The following GRIP1 variants were observed in gnomAD, a reference collection of about 807,000 sequenced individuals.
The protein encoded by GRIP1 is glutamate receptor-interacting protein 1.
Under a neutral mutation model 129.9 loss-of-function variants are expected in GRIP1, and 45 were observed. The ratio of observed to expected loss-of-function variants is 0.35; its 90% CI spans 0.27 to 0.44. GRIP1 has a LOEUF of 0.44. GRIP1 is among the 20% of genes least tolerant of loss of function. The pLI is 1.00. For missense variants in GRIP1, 1,196 were observed against 1,396.8 expected, an observed-to-expected ratio of 0.86 and a Z score of 2.29; for synonymous variants, 530 against 520.8, an observed-to-expected ratio of 1.02 and a Z score of -0.24.
At chr12:66,444,764 G>T in intron 12 of GRIP1, 35 bp from the exon 13 acceptor site, 1 of 1,609,284 alleles carries the variant, frequency 6.2e-7, no homozygotes, top group Non-Finnish European at 8.5e-7. Context: ...GTTGTAGATG[G>T]AGTAAATAAT....
intron 1 of GRIP1, among the ~76,000 whole-genome samples, chr12:66,963,942 T>C (rs2041959283): frequency 1.3e-5 from 2 of 152,144 alleles, no homozygotes; most frequent in South Asian, 4.1e-4. Flanking sequence ...TTTCTGTCAG[T>C]GCCTACACCA....
intron 1 of GRIP1, among the ~76,000 whole-genome samples, chr12:66,745,314 T>C (rs923089393): frequency 6.6e-6 from 1 of 152,162 alleles, no homozygotes; most frequent in African/African-American, 2.4e-5. Flanking sequence ...CTCAAGACTA[T>C]AGATGAATCA....
At chr12:66,650,218 A>G (rs1283256898) in intron 1 of GRIP1, among the ~76,000 whole-genome samples, 1 of 152,092 alleles carries the variant, frequency 6.6e-6, no homozygotes, top group Non-Finnish European at 1.5e-5. Context: ...CCACTGATAG[A>G]AGAATACTCT....
chr12:66,995,042 G>A (rs73133679), intron 1 of GRIP1, among the ~76,000 whole-genome samples: 17,771 of 151,818 alleles, frequency 0.12, 1,249 homozygotes, highest in African/African-American at 0.19. Context: ...AAACCCTTAC[G>A]TTTATGATAA....
At chr12:66,608,428 G>A (rs959876263) in intron 1 of GRIP1, among the ~76,000 whole-genome samples, 1 of 152,150 alleles carries the variant, frequency 6.6e-6, no homozygotes, top group Non-Finnish European at 1.5e-5. Flanking sequence ...CACCTCCCAG[G>A]TTCAAGAGAT....
At chr12:66,698,754 A>G (rs975267247) in intron 1 of GRIP1, among the ~76,000 whole-genome samples, 3 of 152,152 alleles carry the variant, frequency 2.0e-5, no homozygotes, top group African/African-American at 4.8e-5. Flanking sequence ...GCTGCTCTGG[A>G]AGCCCAGTAG....
chr12:66,515,400 ACT>A (rs1234693180), intron 7 of GRIP1, among the ~76,000 whole-genome samples: 2 of 152,082 alleles, frequency 1.3e-5, no homozygotes, highest in Non-Finnish European at 1.5e-5. Flanking sequence ...ACAGAATGAG[ACT>A]CTATTATGGA....
At chr12:67,020,164 A>C (rs1198034976) in intron 1 of GRIP1, among the ~76,000 whole-genome samples, 1 of 152,288 alleles carries the variant, frequency 6.6e-6, no homozygotes, top group East Asian at 1.9e-4. Flanking sequence ...TACTACTACA[A>C]AGCAGAACAT....
intron 9 of GRIP1, among the ~76,000 whole-genome samples, chr12:66,458,488 G>T (rs2059034351): frequency 6.6e-6 from 1 of 152,132 alleles, no homozygotes; most frequent in Non-Finnish European, 1.5e-5. Context: ...AGGTTCAAGT[G>T]ATTCTCTCAC....
chr12:66,759,382 C>T (rs890130027), intron 1 of GRIP1, among the ~76,000 whole-genome samples: 2 of 152,176 alleles, frequency 1.3e-5, no homozygotes, highest in African/African-American at 4.8e-5. Flanking sequence ...ACCACTTTTT[C>T]CTCGTGGGCC....
intron 1 of GRIP1, among the ~76,000 whole-genome samples, chr12:66,838,081 G>C (rs1224148863): frequency 1.3e-5 from 2 of 151,770 alleles, no homozygotes; most frequent in African/African-American, 2.4e-5. Flanking sequence ...AGCTACTCCA[G>C]AGGCTGAGGC....
chr12:66,698,479 G>A (rs753864514), intron 1 of GRIP1, among the ~76,000 whole-genome samples: 3 of 152,138 alleles, frequency 2.0e-5, no homozygotes, highest in Non-Finnish European at 4.4e-5. Flanking sequence ...TTCTACACAC[G>A]CAAGGCAGAA....
intron 5 of GRIP1, among the ~76,000 whole-genome samples, chr12:66,526,206 A>T (rs2061232718): frequency 6.6e-6 from 1 of 150,840 alleles, no homozygotes; most frequent in African/African-American, 2.4e-5. Context: ...ACCAAAAAAG[A>T]GCCTGCATTG....
intron 23 of GRIP1, among the ~76,000 whole-genome samples, chr12:66,369,079 A>G (rs972015917): frequency 1.3e-5 from 2 of 152,174 alleles, no homozygotes; most frequent in African/African-American, 4.8e-5. Flanking sequence ...TATTTTTTAG[A>G]GCCTTATTTT....
At chr12:67,029,977 G>A (rs772643515) in intron 1 of GRIP1, among the ~76,000 whole-genome samples, 74 of 151,080 alleles carry the variant, frequency 4.9e-4, no homozygotes, top group Non-Finnish European at 8.7e-4. Context: ...AAGGCGGGTG[G>A]ATCACGAGGT....
intron 1 of GRIP1, among the ~76,000 whole-genome samples, chr12:66,863,473 T>C (rs890409051): frequency 6.6e-6 from 1 of 152,098 alleles, no homozygotes; most frequent in Non-Finnish European, 1.5e-5. Context: ...TCAGAGAAAG[T>C]ATTTCTGATA....
intron 1 of GRIP1, among the ~76,000 whole-genome samples, chr12:66,906,395 G>A (rs2040933255): frequency 6.6e-6 from 1 of 151,906 alleles, no homozygotes; most frequent in Non-Finnish European, 1.5e-5. Context: ...GTGCACCACC[G>A]AACTCAGCCT....
intron 1 of GRIP1, among the ~76,000 whole-genome samples, chr12:66,825,233 A>C (rs1474649739): frequency 6.6e-6 from 1 of 152,178 alleles, no homozygotes; most frequent in Admixed American, 6.5e-5. Context: ...TAAAGTAGTT[A>C]GTTTATAAGC....
chr12:66,923,064 T>C (rs2041239218), intron 1 of GRIP1, among the ~76,000 whole-genome samples: 1 of 152,204 alleles, frequency 6.6e-6, no homozygotes, highest in South Asian at 2.1e-4. Context: ...TACCTCAACA[T>C]TTATTTTCTA....
Sources: allele counts gnomAD v4.1 joint callset (sites outside exome capture counted in the v4.1 genomes callset), GRCh38; gene constraint gnomAD v4.1.1; transcripts MANE v1.5; gene names NCBI Gene and HGNC (gene_info 2026-07-23, HGNC 2026-07-21).